The following ABCC11 variants were observed in gnomAD, a reference collection of about 807,000 sequenced individuals.
ABCC11 encodes the protein ATP-binding cassette sub-family C member 11.
A neutral mutation model predicts 149.3 loss-of-function variants in ABCC11; 135 were observed. That is an observed-to-expected ratio of 0.90 (90% CI 0.79 to 1.04). The LOEUF is 1.04. Among genes scored for constraint, ABCC11 ranks in the 50% least tolerant of loss-of-function variants. The pLI is 0.00. For synonymous variants in ABCC11, 665 were observed against 671.4 expected, an observed-to-expected ratio of 0.99 and a Z score of 0.15; for missense variants, 1,680 against 1,722.1, an observed-to-expected ratio of 0.98 and a Z score of 0.43.
chr16:48,189,567 C>T (rs1966853759), intron 20 of ABCC11, among the ~76,000 whole-genome samples: 2 of 152,142 alleles, frequency 1.3e-5, no homozygotes, highest in Admixed American at 1.3e-4. Flanking sequence ...ATATTTTAAA[C>T]ACAAAACACG....
intron 1 of ABCC11, among the ~76,000 whole-genome samples, chr16:48,238,934 T>TCAAAAA: frequency 2.5e-5 from 1 of 40,576 alleles, no homozygotes; most frequent in Non-Finnish European, 4.3e-5. Context: ...AGACTCTGTC[T>TCAAAAA]AAAAAAAAAA....
chr16:48,210,610 A>T, intron 11 of ABCC11: 1 of 257,990 alleles, frequency 3.9e-6, no homozygotes, highest in Non-Finnish European at 7.4e-6. Context: ...AACACAGGAT[A>T]GTGCTTGGCA....
intron 14 of ABCC11, 37 bp downstream of exon 14, chr16:48,203,191 A>G (rs909251857): frequency 2.0e-6 from 3 of 1,530,198 alleles, no homozygotes; most frequent in African/African-American, 2.7e-5. Context: ...AAGAGCACCA[A>G]CATTACACAG....
chr16:48,192,491 T>C, intron 20 of ABCC11, 29 bp downstream of exon 20: 1 of 1,611,672 alleles, frequency 6.2e-7, no homozygotes, highest in Non-Finnish European at 8.5e-7. Context: ...AGCTCAGCCT[T>C]CGGCCCCACC....
At chr16:48,178,471 A>G in intron 24 of ABCC11, 126 bp downstream of exon 24, 1 of 824,426 alleles carries the variant, frequency 1.2e-6, no homozygotes, top group East Asian at 2.6e-5. Flanking sequence ...CAGGGAGGAA[A>G]GGCCAGGAGC....
Position 48,175,328 on chromosome 16 carries a change from C to T in ABCC11, c.3628G>A (p.Gly1210Ser), listed in dbSNP as rs200782116. The change falls in exon 26 of 30, where the codon GGC becomes AGC. Residue 1210 changes from glycine (G) to serine (S), a missense_variant. Gly to Ser is a moderately conservative substitution (Grantham distance 56). Coordinates refer to ENST00000356608, the MANE Select transcript of ABCC11 (RefSeq NM_001370497.1). ...AGCTTGGACCGCAAGTCCTCCAGGC[C>T]GATGCTGCAAATGTCCACGCCGTCA... ...LIDGVDICSI[G>S]LEDLRSKLSV... 4.3e-6 allele frequency: 7 copies of T among 1,614,158 alleles called. No individual in the cohort carries two copies. The highest frequency in any genetic ancestry group is 4.5e-5 in the East Asian group (2 of 44,882).
chr16:48,241,503 C>T (rs1345624983), intron 1 of ABCC11, among the ~76,000 whole-genome samples: 1 of 152,178 alleles, frequency 6.6e-6, no homozygotes, highest in Non-Finnish European at 1.5e-5. Flanking sequence ...CCATCCCCAT[C>T]AAGCTACCAA....
rs1965314682 is a variant in ABCC11 at position 48,165,845 on chromosome 16, T to C, written c.*1429A>G. 6.6e-6 allele frequency: 1 copy of C among 152,238 alleles called. No individual in the cohort carries two copies. Among genetic ancestry groups the C allele is most frequent in the African/African-American group, 2.4e-5 (1 of 41,452 alleles). 9.4% of individuals were successfully genotyped at this position (152,238 alleles called of 1,614,324 possible). A position where few individuals can be genotyped will look rare whatever the true frequency, so the allele number is the denominator to read the frequency against. On this transcript the variant is annotated 3_prime_UTR_variant, in exon 30 of 30. Coordinates refer to ENST00000356608, the MANE Select transcript of ABCC11 (RefSeq NM_001370497.1). Reference sequence around the variant, plus strand: ...TCATAATCTGGAATAAAAAGGAAAGTACTTTGAAACATATTTCCCCCAACA... The same window carrying C: ...TCATAATCTGGAATAAAAAGGAAAGCACTTTGAAACATATTTCCCCCAACA...
In ABCC11 at chr16:48,196,307, G is replaced by A; in HGVS notation, c.2329C>T (p.Leu777Phe). Reference protein sequence around the residue: ...LNGNAVPEHQLTQEEEMEEGS... With the variant: ...LNGNAVPEHQFTQEEEMEEGS... The stretch of plus-strand genomic sequence containing the variant: ...TCTTCCATCTCCTCCTCCTGTGTGA[G>A]CTGATGCTCCGGCACTGGGTCAGGG... Residue 777 changes from leucine to phenylalanine, a missense_variant, in exon 18 of 30, where the codon CTC becomes TTC. By Grantham distance (22) the Leu-to-Phe change is conservative. Transcript: ENST00000356608. 1 of 1,614,080 alleles carries A rather than the reference G, an allele frequency of 6.2e-7. No homozygotes were observed. The highest frequency in any genetic ancestry group is 8.5e-7 in the Non-Finnish European group (1 of 1,179,966).
rs767963296 is a variant in ABCC11 at position 48,176,987 on chromosome 16, G to A, written c.3475C>T (p.His1159Tyr). The A allele has an allele frequency of 1.2e-6, 2 of 1,614,190 alleles. No individual in the cohort carries two copies. The highest frequency in any genetic ancestry group is 1.1e-5 in the South Asian group (1 of 91,080). The part of the protein sequence containing the change: ...KYRDNTPTVL[H>Y]GINLTIRGHE... ...CCGCGGATGGTCAGGTTGATGCCGT[G>A]AAGCACGGTGGGTGTGTTGTCTCTG... Residue 1159 changes from histidine to tyrosine, a missense_variant, in exon 25 of 30, where the codon CAC becomes TAC. Physicochemically the swap from His to Tyr is moderately conservative, Grantham distance 83. Coordinates refer to ENST00000356608, the MANE Select transcript of ABCC11 (RefSeq NM_001370497.1).
At chr16:48,202,545 A>T (rs1267888655) in intron 14 of ABCC11, among the ~76,000 whole-genome samples, 2 of 151,518 alleles carry the variant, frequency 1.3e-5, no homozygotes, top group Non-Finnish European at 2.9e-5. Context: ...TGGGAGGTGG[A>T]GGTTGCAGTG....
intron 20 of ABCC11, among the ~76,000 whole-genome samples, chr16:48,188,907 G>A (rs112505504): frequency 0.011 from 1,710 of 152,306 alleles, 30 homozygotes; most frequent in African/African-American, 0.039. Flanking sequence ...AGAAAGAGGA[G>A]GGAAGGACAT....
chr16:48,202,617 A>C (rs1331622789), intron 14 of ABCC11, among the ~76,000 whole-genome samples: 5 of 133,348 alleles, frequency 3.7e-5, no homozygotes, highest in African/African-American at 1.3e-4. Flanking sequence ...ACTCCCCTTC[A>C]AAAAAAAAAA....
In ABCC11 at chr16:48,215,332, T is replaced by C; in HGVS notation, c.964A>G (p.Arg322Gly). 1.2e-6 allele frequency: 2 copies of C among 1,613,644 alleles called. No homozygotes were observed. The highest frequency in any genetic ancestry group is 1.1e-5 in the South Asian group (1 of 91,052). Residue 322 changes from arginine (R) to glycine (G), a missense_variant, in exon 8 of 30, where the codon AGA becomes GGA. By Grantham distance (125) the Arg-to-Gly change is moderately radical. Transcript: ENST00000356608. Reference sequence around the variant, plus strand: ...TGATGCTGAGCCTTCACAGCCATTCTTGTCATGAATACCTGGAGTCAGGAT... The same window carrying C: ...TGATGCTGAGCCTTCACAGCCATTCCTGTCATGAATACCTGGAGTCAGGAT... ...LVFPLAVFMTRMAVKAQHHTS... is the reference protein window; with the variant it reads ...LVFPLAVFMTGMAVKAQHHTS...
chr16:48,230,244 C>T (rs1285594077), intron 3 of ABCC11, among the ~76,000 whole-genome samples, 193 bp downstream of exon 3: 1 of 152,210 alleles, frequency 6.6e-6, no homozygotes, highest in Non-Finnish European at 1.5e-5. Context: ...GCTCAATGAT[C>T]CTTTCTGTAT....
Position 48,238,951 on chromosome 16 carries a change from A to C in ABCC11, c.-18-7012T>G, listed in dbSNP as rs1323656333. ...ACTCTGTCTAAAAAAAAAAAAAAAAAAAAAAAAACCATAAAAACTAAATAT... is the reference window on the plus strand; with the variant it reads ...ACTCTGTCTAAAAAAAAAAAAAAAACAAAAAAAACCATAAAAACTAAATAT... On this transcript the variant is annotated intron_variant, in intron 1 of 29. Transcript: ENST00000356608. 1.2e-4 allele frequency among the ~76,000 whole-genome samples: 18 copies of C among 151,162 alleles called. No homozygotes were observed. The East Asian group carries it at 3.3e-3, about 28-fold the overall frequency.
chr16:48,211,104 T>C lies in ABCC11; in HGVS notation c.1452A>G (p.Gln484=), dbSNP rs1182049871. The C allele has an allele frequency of 6.2e-7, 1 of 1,614,202 alleles. No individual in the cohort carries two copies. The highest frequency in any genetic ancestry group is 2.2e-5 in the East Asian group (1 of 44,880). The change falls in exon 11 of 30, where the codon CAA becomes CAG. Residue 484 remains glutamine (Q), a synonymous_variant. Transcript: ENST00000356608. ...CATTGACGATCCCGGGACAGGTCTG[T>C]TGCCATGACAAGGTGGCCTCCTCAA... ...LVFEEATLSW[Q]QTCPGIVNGA...
chr16:48,213,623 C>T, intron 9 of ABCC11, 73 bp from the exon 10 acceptor site: 1 of 1,166,626 alleles, frequency 8.6e-7, no homozygotes, highest in Non-Finnish European at 1.2e-6. Flanking sequence ...CACCCGCATC[C>T]CTGAGCCACA....
chr16:48,246,515 G>C (rs1298123530), intron 1 of ABCC11, among the ~76,000 whole-genome samples: 1 of 152,186 alleles, frequency 6.6e-6, no homozygotes, highest in Non-Finnish European at 1.5e-5. Flanking sequence ...CACATTTTAA[G>C]TTTCACTATT....
Sources: gnomAD v4.1 joint callset for allele counts (sites outside exome capture counted in the v4.1 genomes callset) on GRCh38, gnomAD v4.1.1 for gene constraint, MANE v1.5 for transcripts, NCBI Gene and HGNC (gene_info 2026-07-23, HGNC 2026-07-21) for gene names.